Variants in PRLR observed in about 807,000 individuals in gnomAD.
PRLR encodes the protein hPRL receptor.
A neutral mutation model predicts 40.2 loss-of-function variants in PRLR; 13 were observed. The ratio of observed to expected loss-of-function variants is 0.32; its 90% CI spans 0.21 to 0.51. PRLR has a LOEUF of 0.51. Among genes scored for constraint, PRLR ranks in the 20% least tolerant of loss-of-function variants. The pLI is 0.97. For missense variants in PRLR, 656 were observed against 747.3 expected, an observed-to-expected ratio of 0.88 and a Z score of 1.42; for synonymous variants, 269 against 278.7, an observed-to-expected ratio of 0.97 and a Z score of 0.35.
At chr5:35,142,403 A>G (rs920050551) in intron 1 of PRLR, among the ~76,000 whole-genome samples, 1 of 152,156 alleles carries the variant, frequency 6.6e-6, no homozygotes, top group Non-Finnish European at 1.5e-5. Flanking sequence ...GAGAAAGGGG[A>G]AGGCAATATT....
intron 1 of PRLR, among the ~76,000 whole-genome samples, chr5:35,214,387 C>T (rs1177169722): frequency 1.3e-5 from 2 of 152,218 alleles, no homozygotes; most frequent in Non-Finnish European, 2.9e-5. Flanking sequence ...CATTCCATTG[C>T]CTTTCCTCCA....
chr5:35,220,380 C>T (rs1258036489), intron 1 of PRLR, among the ~76,000 whole-genome samples: 2 of 152,174 alleles, frequency 1.3e-5, no homozygotes, highest in Non-Finnish European at 1.5e-5. Flanking sequence ...CTGAAGCCTT[C>T]TTTCTGCCAG....
At chr5:35,148,825 A>C (rs1312444717) in intron 1 of PRLR, among the ~76,000 whole-genome samples, 1 of 152,160 alleles carries the variant, frequency 6.6e-6, no homozygotes, top group Non-Finnish European at 1.5e-5. Context: ...CCTAGTTTTA[A>C]ATGTATCACT....
chr5:35,133,401 G>A (rs116748233), intron 1 of PRLR, among the ~76,000 whole-genome samples: 1 of 152,032 alleles, frequency 6.6e-6, no homozygotes, highest in Non-Finnish European at 1.5e-5. Flanking sequence ...TGTAACACCT[G>A]GTGAGTCAGA....
At chr5:35,163,537 G>A (rs1228325628) in intron 1 of PRLR, among the ~76,000 whole-genome samples, 2 of 152,220 alleles carry the variant, frequency 1.3e-5, no homozygotes, top group Non-Finnish European at 2.9e-5. Context: ...ATGAGTGGAA[G>A]GAGTGAGGAC....
intron 1 of PRLR, among the ~76,000 whole-genome samples, chr5:35,198,756 G>A (rs1775802647): frequency 6.6e-6 from 1 of 152,154 alleles, no homozygotes; most frequent in Non-Finnish European, 1.5e-5. Context: ...CCACTAGAAA[G>A]CACTTAGTGT....
At chr5:35,197,410 C>G (rs1273349110) in intron 1 of PRLR, among the ~76,000 whole-genome samples, 1 of 152,208 alleles carries the variant, frequency 6.6e-6, no homozygotes, top group African/African-American at 2.4e-5. Flanking sequence ...CAGGTCTACC[C>G]AAGTGCGGGG....
chr5:35,142,825 T>G (rs1774062537), intron 1 of PRLR, among the ~76,000 whole-genome samples: 2 of 152,258 alleles, frequency 1.3e-5, no homozygotes, highest in South Asian at 4.1e-4. Flanking sequence ...GTTGTCTGGT[T>G]TTGATTCTTG....
At position 35,178,765 on chromosome 5, in the gene PRLR, A is replaced by C. The variant is rs759235487; in HGVS notation, c.-106+51503T>G. Among the ~76,000 whole-genome samples, 4 of 152,218 alleles carry C rather than the reference A, an allele frequency of 2.6e-5. No homozygotes were observed. The East Asian group carries it at 7.7e-4, about 29-fold the overall frequency. On this transcript the variant is annotated intron_variant, in intron 1 of 9. Coordinates refer to ENST00000618457, the MANE Select transcript of PRLR (RefSeq NM_000949.7). The stretch of plus-strand genomic sequence containing the variant: ...TATTTTTTAAAAGTTATATTTATGA[A>C]AAAAGTCACAAAGTACTATCAATAT...
intron 2 of PRLR, among the ~76,000 whole-genome samples, chr5:35,105,628 A>C (rs1314654151): frequency 6.6e-6 from 1 of 152,220 alleles, no homozygotes; most frequent in African/African-American, 2.4e-5. Flanking sequence ...AAAGGGTATC[A>C]GTGACTGAAG....
Position 35,070,007 on chromosome 5 carries a change from C to G in PRLR, c.685+117G>C, listed in dbSNP as rs908711949. ...GTATTGGGCAGAAAGATTATAAACC[C>G]ACCTCTATTGTTCTGGCTAAGGCTC... On this transcript the variant is annotated intron_variant, in intron 7 of 9. Transcript: ENST00000618457. The G allele has an allele frequency of 3.4e-6, 4 of 1,185,744 alleles. No individual in the cohort carries two copies. The African/African-American group carries it at 6.2e-5, about 18-fold the overall frequency. 73.5% of individuals were successfully genotyped at this position (1,185,744 alleles called of 1,614,324 possible).
At chr5:35,105,900 G>A (rs1378880444) in intron 2 of PRLR, among the ~76,000 whole-genome samples, 1 of 152,168 alleles carries the variant, frequency 6.6e-6, no homozygotes, top group Non-Finnish European at 1.5e-5. Flanking sequence ...TCCTCGAGAA[G>A]AGCAACTCCA....
intron 6 of PRLR, 28 bp from the exon 7 acceptor site, chr5:35,070,293 C>A: frequency 1.2e-6 from 2 of 1,609,500 alleles, no homozygotes; most frequent in South Asian, 2.2e-5. Context: ...AAACAGAAGT[C>A]AATTCTAACA....
intron 1 of PRLR, among the ~76,000 whole-genome samples, chr5:35,144,777 A>AT (rs1025407075): frequency 2.6e-5 from 4 of 152,030 alleles, no homozygotes; most frequent in Middle Eastern, 3.4e-3. Context: ...TTTTTAGGCA[A>AT]TTTTTTTTAA....
In PRLR at chr5:35,075,096, C is replaced by G. The variant is rs536874075; in HGVS notation, c.374-2352G>C. 3.3e-5 allele frequency among the ~76,000 whole-genome samples: 5 copies of G among 152,290 alleles called. No homozygotes were observed. The South Asian group carries it at 6.2e-4, about 19-fold the overall frequency. ...TGGTTCCAAGATGGCTGAATAGGAA[C>G]AGCTCCAGTCTACAGCTCCCAGCGT... On this transcript the variant is annotated intron_variant, in intron 5 of 9. Coordinates refer to ENST00000618457, the MANE Select transcript of PRLR (RefSeq NM_000949.7).
chr5:35,190,796 C>T (rs557720211), intron 1 of PRLR, among the ~76,000 whole-genome samples: 189 of 152,308 alleles, frequency 1.2e-3, no homozygotes, highest in Non-Finnish European at 1.3e-3. Flanking sequence ...ATCTTGACCA[C>T]TGTGTATCTA....
chr5:35,068,370 G>C (rs2112384385), intron 8 of PRLR, 85 bp from the exon 9 acceptor site: 1 of 1,170,394 alleles, frequency 8.5e-7, no homozygotes, highest in Non-Finnish European at 1.3e-6. Context: ...CCACTATAGG[G>C]ACTGTGATAG....
At chr5:35,195,198 C>T (rs1775703318) in intron 1 of PRLR, 1 of 152,290 alleles carries the variant, frequency 6.6e-6, no homozygotes, top group South Asian at 2.1e-4. Context: ...GTTCTCAGCT[C>T]CATGCCAAAG....
In PRLR at chr5:35,097,660, C is replaced by G. The variant is rs1392590796; in HGVS notation, c.-43-7997G>C. Among the ~76,000 whole-genome samples, 3 of 152,190 alleles carry G rather than the reference C, an allele frequency of 2.0e-5. No individual in the cohort carries two copies. In the South Asian group the frequency reaches 6.2e-4, roughly 32 times the overall value. ...AGATTCTGAGTCCTCTAAGGCAGCC[C>G]TCTTCCTAATAATGGCTCACTCAGC... On this transcript the variant is annotated intron_variant, in intron 2 of 9. Transcript: ENST00000618457.
Sources: gnomAD v4.1 joint callset for allele counts (sites outside exome capture counted in the v4.1 genomes callset) on GRCh38, gnomAD v4.1.1 for gene constraint, MANE v1.5 for transcripts, NCBI Gene and HGNC (gene_info 2026-07-23, HGNC 2026-07-21) for gene names.